Variants in PDE4D observed in about 807,000 individuals in gnomAD.
PDE4D encodes the protein phosphodiesterase 4D, also known as 3',5'-cyclic-AMP phosphodiesterase 4D.
In PDE4D, 24 loss-of-function variants were observed where a neutral mutation model predicts 87.4. The observed-to-expected ratio is 0.27, with a 90% CI of 0.20 to 0.39. PDE4D has a LOEUF of 0.39. Among genes scored for constraint, PDE4D ranks in the 10% least tolerant of loss-of-function variants. The pLI, the probability that PDE4D is intolerant of heterozygous loss-of-function variation, is 1.00. For synonymous variants in PDE4D, 384 were observed against 383.2 expected, an observed-to-expected ratio of 1.00 and a Z score of -0.02; for missense variants, 714 against 1,041.0, an observed-to-expected ratio of 0.69 and a Z score of 4.32.
chr5:59,611,120 A>G (rs1252254421), intron 1 of PDE4D, among the ~76,000 whole-genome samples: 1 of 152,214 alleles, frequency 6.6e-6, no homozygotes, highest in African/African-American at 2.4e-5. Context: ...TGAGTAGATT[A>G]GAAATAGCAG....
At chr5:59,002,864 A>G (rs1355726513) in intron 6 of PDE4D, among the ~76,000 whole-genome samples, 1 of 152,212 alleles carries the variant, frequency 6.6e-6, no homozygotes, top group African/African-American at 2.4e-5. Flanking sequence ...CAGAACAGAT[A>G]CATATGAGGA....
chr5:59,971,123 C>T (rs1247746916), intron 3 of PDE4D, among the ~76,000 whole-genome samples: 9 of 147,368 alleles, frequency 6.1e-5, no homozygotes, highest in Admixed American at 1.4e-4. Context: ...AACCAAACAC[C>T]GCATATTCTC....
At chr5:59,219,751 T>G (rs1554101363) in intron 1 of PDE4D, among the ~76,000 whole-genome samples, 1 of 152,134 alleles carries the variant, frequency 6.6e-6, no homozygotes, top group Non-Finnish European at 1.5e-5. Context: ...CACGAAATTG[T>G]ATTATATAGG....
intron 1 of PDE4D, among the ~76,000 whole-genome samples, chr5:59,317,377 T>C (rs1773944320): frequency 1.3e-5 from 2 of 152,118 alleles, no homozygotes; most frequent in Admixed American, 1.3e-4. Flanking sequence ...ATTTCAACTC[T>C]TTATTAAAAT....
At chr5:60,394,443 A>G (rs1762756848) in intron 1 of PDE4D, among the ~76,000 whole-genome samples, 1 of 152,248 alleles carries the variant, frequency 6.6e-6, no homozygotes, top group South Asian at 2.1e-4. Context: ...TTGTGTTTTT[A>G]TGAAGAACTT....
chr5:59,659,063 A>G (rs1419801471), intron 1 of PDE4D, among the ~76,000 whole-genome samples: 8 of 152,230 alleles, frequency 5.3e-5, no homozygotes, highest in African/African-American at 9.6e-5. Context: ...TCTCTGTACA[A>G]TGAAAACCTA....
intron 5 of PDE4D, among the ~76,000 whole-genome samples, chr5:59,162,008 A>G (rs1781184075): frequency 1.3e-5 from 2 of 152,192 alleles, no homozygotes; most frequent in Non-Finnish European, 2.9e-5. Context: ...TCTGATTTGA[A>G]AGCAGATTGG....
intron 5 of PDE4D, among the ~76,000 whole-genome samples, chr5:59,129,596 C>T (rs1426096517): frequency 2.0e-5 from 3 of 152,126 alleles, no homozygotes; most frequent in Admixed American, 6.5e-5. Flanking sequence ...AGTTAATATT[C>T]GATTATATAA....
intron 1 of PDE4D, among the ~76,000 whole-genome samples, chr5:59,840,283 T>C (rs1742787539): frequency 6.7e-6 from 1 of 149,906 alleles, no homozygotes; most frequent in South Asian, 2.1e-4. Flanking sequence ...GTCACTCTCC[T>C]ATCTCCCTTT....
At chr5:60,126,768 A>G (rs1448034704) in intron 2 of PDE4D, among the ~76,000 whole-genome samples, 1 of 152,206 alleles carries the variant, frequency 6.6e-6, no homozygotes, top group African/African-American at 2.4e-5. Context: ...GCTTAAGATT[A>G]AAAAACGAGG....
At chr5:59,474,954 T>C (rs531463003) in intron 1 of PDE4D, among the ~76,000 whole-genome samples, 138 of 152,094 alleles carry the variant, frequency 9.1e-4, no homozygotes, top group Non-Finnish European at 1.4e-3. Flanking sequence ...TTTACCATTT[T>C]GCAAAAGGAA....
chr5:59,459,679 C>G (rs1420946016), intron 1 of PDE4D, among the ~76,000 whole-genome samples: 1 of 152,180 alleles, frequency 6.6e-6, no homozygotes, highest in Non-Finnish European at 1.5e-5. Context: ...GACTCTAATT[C>G]TAATAAACTT....
chr5:58,981,502 T>C (rs1416356528), intron 11 of PDE4D, among the ~76,000 whole-genome samples: 1 of 5,132 alleles, frequency 1.9e-4, no homozygotes, highest in Non-Finnish European at 3.3e-4. Flanking sequence ...AAAATGAAGA[T>C]AAGTTAATAC....
chr5:60,120,275 A>C (rs1278207879), intron 2 of PDE4D, among the ~76,000 whole-genome samples: 1 of 150,096 alleles, frequency 6.7e-6, no homozygotes, highest in East Asian at 2.1e-4. Flanking sequence ...TAGATGCACT[A>C]ACAGGAGAGG....
chr5:59,270,504 C>T lies in PDE4D; in HGVS notation c.456-54536G>A, dbSNP rs149125331. On this transcript the variant is annotated intron_variant, in intron 1 of 14. Coordinates refer to ENST00000340635, the MANE Select transcript of PDE4D (RefSeq NM_001104631.2). ...AGATAATCTATTCAAAATTGTGAGG[C>T]ATTGGCCTTTTGTTCTTTATTGTCT... 3.0e-3 allele frequency among the ~76,000 whole-genome samples: 460 copies of T among 152,232 alleles called. 1 individual carries two copies. The highest frequency in any genetic ancestry group is 4.9e-3 in the Non-Finnish European group (332 of 67,990).
At chr5:59,265,696 C>T (rs765420650) in intron 1 of PDE4D, among the ~76,000 whole-genome samples, 7 of 151,866 alleles carry the variant, frequency 4.6e-5, no homozygotes, top group Admixed American at 6.6e-5. Flanking sequence ...AGAAAATATG[C>T]GAATCATGAA....
intron 1 of PDE4D, among the ~76,000 whole-genome samples, chr5:60,238,390 T>C (rs989270169): frequency 6.6e-6 from 1 of 151,978 alleles, no homozygotes; most frequent in Non-Finnish European, 1.5e-5. Flanking sequence ...GCATGTCCCC[T>C]GGCAAACACA....
intron 1 of PDE4D, among the ~76,000 whole-genome samples, chr5:59,367,398 A>G (rs1369228090): frequency 6.6e-6 from 1 of 152,224 alleles, no homozygotes; most frequent in African/African-American, 2.4e-5. Context: ...TTTATTTTCC[A>G]TAATGTTTAT....
At chr5:60,117,833 C>T (rs1230603661) in intron 2 of PDE4D, among the ~76,000 whole-genome samples, 4 of 151,390 alleles carry the variant, frequency 2.6e-5, no homozygotes, top group Non-Finnish European at 5.9e-5. Context: ...CATACACACA[C>T]ACACACACAC....
Sources: gnomAD v4.1 joint callset for allele counts (sites outside exome capture counted in the v4.1 genomes callset) on GRCh38, gnomAD v4.1.1 for gene constraint, MANE v1.5 for transcripts, NCBI Gene and HGNC (gene_info 2026-07-23, HGNC 2026-07-21) for gene names.